Variants in PFKFB2 observed in about 807,000 individuals in gnomAD.
The protein encoded by PFKFB2 is 6-phosphofructo-2-kinase/fructose-2,6-bisphosphatase 2.
PFKFB2 carries 53 observed loss-of-function variants against 68.0 expected under a neutral mutation model. The observed-to-expected ratio is 0.78, with a 90% CI of 0.63 to 0.98. The LOEUF (loss-of-function observed/expected upper bound fraction) is 0.98, where lower values mean the gene tolerates loss of function less well. PFKFB2 is among the 50% of genes least tolerant of loss of function. The pLI is 0.00. For synonymous variants in PFKFB2, 222 were observed against 227.6 expected, an observed-to-expected ratio of 0.98 and a Z score of 0.22; for missense variants, 451 against 642.0, an observed-to-expected ratio of 0.70 and a Z score of 3.22.
At position 207,070,479 on chromosome 1, in the gene PFKFB2, T is replaced by G; in HGVS notation, c.1222+70T>G. ...GCTGGACTTGCAGTGGCACCAGGAT[T>G]CCTGGGAAACAGACCTCCCTGTCTC... On this transcript the variant is annotated intron_variant, in intron 12 of 14. Coordinates refer to ENST00000367080, the MANE Select transcript of PFKFB2 (RefSeq NM_006212.2). This position sits in a 1 kb window ranked among gnomAD's most constrained non-coding sequence, Gnocchi z 4.2. The G allele has an allele frequency of 6.4e-7, 1 of 1,554,506 alleles. No individual in the cohort carries two copies. The highest frequency in any genetic ancestry group is 8.8e-7 in the Non-Finnish European group (1 of 1,139,616).
In PFKFB2 at chr1:207,075,631, C is replaced by T; in HGVS notation, c.*3260C>T. The T allele has an allele frequency of 1.0e-6, 1 of 985,010 alleles. No homozygotes were observed. Among genetic ancestry groups the T allele is most frequent in the Non-Finnish European group, 1.2e-6 (1 of 829,562 alleles). 61.0% of individuals were successfully genotyped at this position (985,010 alleles called of 1,614,324 possible). A position where few individuals can be genotyped will look rare whatever the true frequency, so the allele number is the denominator to read the frequency against. On this transcript the variant is annotated 3_prime_UTR_variant, in exon 15 of 15. Coordinates refer to ENST00000367080, the MANE Select transcript of PFKFB2 (RefSeq NM_006212.2). ...ATAGGTAAAGACATTAGCATTTAAT[C>T]TACTGGAATAAGCTGGTTGCTGTGG...
chr1:207,069,006 A>G (rs1446522992), intron 10 of PFKFB2, among the ~76,000 whole-genome samples: 1 of 152,112 alleles, frequency 6.6e-6, no homozygotes, highest in Non-Finnish European at 1.5e-5. Flanking sequence ...TGGCCACCCA[A>G]AGTGTTGGGA....
At chr1:207,078,194 T>C (rs1265523722), downstream of PFKFB2, among the ~76,000 whole-genome samples, 1 of 152,246 alleles carries the variant, frequency 6.6e-6, no homozygotes, top group Non-Finnish European at 1.5e-5. Context: ...GTTCCTAAAA[T>C]GTGATTTGCC....
At chr1:207,057,077 C>T (rs1160525043) in intron 2 of PFKFB2, among the ~76,000 whole-genome samples, 3 of 151,990 alleles carry the variant, frequency 2.0e-5, no homozygotes, top group African/African-American at 7.3e-5. Context: ...TCAACTGCTC[C>T]AGGGATGGGG....
intron 2 of PFKFB2, among the ~76,000 whole-genome samples, chr1:207,061,110 TA>T (rs1252436202): frequency 5.4e-4 from 18 of 33,552 alleles, no homozygotes; most frequent in African/African-American, 2.3e-3. Flanking sequence ...TATATATATC[TA>T]TATATCTTTA....
intron 1 of PFKFB2, among the ~76,000 whole-genome samples, chr1:207,038,528 T>C (rs954308792): frequency 3.3e-5 from 5 of 152,240 alleles, no homozygotes; most frequent in Non-Finnish European, 7.3e-5. Context: ...TTGCAAATGC[T>C]GTACCCTCTA....
chr1:207,069,537 C>G lies in PFKFB2; in HGVS notation c.1092+9C>G, dbSNP rs370286212. 37 of 1,557,184 alleles carry G rather than the reference C, an allele frequency of 2.4e-5. No homozygotes were observed. In the African/African-American group the frequency reaches 4.3e-4, roughly 18 times the overall value. ...GATATCCTGGTGGGGAGGTAAGACGCCCCTGTCATGTAAAGTGACTGCCTA... is the reference window on the plus strand; with the variant it reads ...GATATCCTGGTGGGGAGGTAAGACGGCCCTGTCATGTAAAGTGACTGCCTA... On this transcript the variant is annotated intron_variant, in intron 11 of 14. Transcript: ENST00000367080.
chr1:207,048,808 G>A (rs139136253), upstream of PFKFB2: 23 of 554,252 alleles, frequency 4.1e-5, no homozygotes, highest in East Asian at 4.3e-4. Context: ...AAAGAGGCAT[G>A]TATGTACAGT....
intron 9 of PFKFB2, among the ~76,000 whole-genome samples, chr1:207,067,950 A>T (rs563192703): frequency 6.6e-6 from 1 of 152,176 alleles, no homozygotes; most frequent in Non-Finnish European, 1.5e-5. Context: ...CAACTTGTGT[A>T]CTTAGCAATG....
intron 2 of PFKFB2, among the ~76,000 whole-genome samples, chr1:207,042,943 A>G (rs1682508316): frequency 1.3e-5 from 2 of 152,204 alleles, no homozygotes; most frequent in South Asian, 4.1e-4. Flanking sequence ...TAAAACTGGT[A>G]TAAGCCATAA....
In PFKFB2 at chr1:207,063,966, A is replaced by T; in HGVS notation, c.507+137A>T. The T allele has an allele frequency of 1.4e-6, 1 of 721,192 alleles. No individual in the cohort carries two copies. Among genetic ancestry groups the T allele is most frequent in the Non-Finnish European group, 2.5e-6 (1 of 399,706 alleles). The allele number at this position is 721,192 out of a possible 1,614,324, so 44.7% of individuals were successfully genotyped here. A position where few individuals can be genotyped will look rare whatever the true frequency, so the allele number is the denominator to read the frequency against. On this transcript the variant is annotated intron_variant, in intron 7 of 14. Coordinates refer to ENST00000367080, the MANE Select transcript of PFKFB2 (RefSeq NM_006212.2). The surrounding 1 kb of genome is among the most constrained non-coding windows in gnomAD (Gnocchi z 4.1). The stretch of plus-strand genomic sequence containing the variant: ...TGAAAGAGAGAAATAGACATGTTTA[A>T]CATCACAAAGAGATCTTTTCTATCT...
chr1:207,053,143 C>G (rs2102333032), upstream of PFKFB2: 1 of 152,472 alleles, frequency 6.6e-6, no homozygotes, highest in Non-Finnish European at 1.5e-5. Context: ...GCCAGTTAGG[C>G]GATTGCGACC....
Position 207,072,207 on chromosome 1 carries a change from A to G in PFKFB2, c.1354A>G (p.Asn452Asp). 1.2e-6 allele frequency: 2 copies of G among 1,613,548 alleles called. No homozygotes were observed. The highest frequency in any genetic ancestry group is 1.7e-6 in the Non-Finnish European group (2 of 1,179,750). Residue 452 changes from asparagine to aspartate, a missense_variant, in exon 15 of 15, where the codon AAC becomes GAC. Asn to Asp is a conservative substitution (Grantham distance 23, BLOSUM62 1). Coordinates refer to ENST00000367080, the MANE Select transcript of PFKFB2 (RefSeq NM_006212.2). ...VNTHRDKPTN[N>D]FPKNQTPVRM... ...GTGTCACTCCATTTCCAATCAGAAC[A>G]ACTTCCCCAAGAACCAAACCCCTGT... is the stretch of plus-strand genomic sequence containing the variant.
chr1:207,063,872 G>T lies in PFKFB2; in HGVS notation c.507+43G>T. 1 of 1,446,342 alleles carries T rather than the reference G, an allele frequency of 6.9e-7. No homozygotes were observed. The highest frequency in any genetic ancestry group is 9.7e-7 in the Non-Finnish European group (1 of 1,030,340). 89.6% of individuals were successfully genotyped at this position (1,446,342 alleles called of 1,614,324 possible). A position where few individuals can be genotyped will look rare whatever the true frequency, so the allele number is the denominator to read the frequency against. On this transcript the variant is annotated intron_variant, in intron 7 of 14. Transcript: ENST00000367080. The surrounding 1 kb of genome is among the most constrained non-coding windows in gnomAD (Gnocchi z 4.1). Reference sequence around the variant, plus strand: ...ATATCATCTCCTCTTCACCTTTTGTGCTGTGTGTGTTGTGGGGTGTGTGTG... The same window carrying T: ...ATATCATCTCCTCTTCACCTTTTGTTCTGTGTGTGTTGTGGGGTGTGTGTG...
In PFKFB2 at chr1:207,077,028, C is replaced by A; in HGVS notation, c.*4657C>A. ...TTTCTTATATAGTAGTGGCCAAATT[C>A]TCATTATTTTGTACAAGATAAAGGT... On this transcript the variant is annotated 3_prime_UTR_variant, in exon 15 of 15. Coordinates refer to ENST00000367080, the MANE Select transcript of PFKFB2 (RefSeq NM_006212.2). 2.0e-6 allele frequency: 2 copies of A among 983,810 alleles called. No individual in the cohort carries two copies. The highest frequency in any genetic ancestry group is 2.4e-6 in the Non-Finnish European group (2 of 828,508). The allele number at this position is 983,810 out of a possible 1,614,324, so 60.9% of individuals were successfully genotyped here. A position where few individuals can be genotyped will look rare whatever the true frequency, so the allele number is the denominator to read the frequency against.
chr1:207,059,876 G>A (rs977933423), intron 2 of PFKFB2, among the ~76,000 whole-genome samples: 13 of 152,190 alleles, frequency 8.5e-5, no homozygotes, highest in African/African-American at 3.1e-4. Flanking sequence ...TTACAGAACT[G>A]TTTCTTAATC....
upstream of PFKFB2, chr1:207,050,970 C>G (rs1454496374): frequency 6.5e-7 from 1 of 1,546,304 alleles, no homozygotes; most frequent in Non-Finnish European, 8.8e-7. Flanking sequence ...TGGGAGACGC[C>G]GCCGGGGAAA....
At chr1:207,035,978 G>C (rs1229867091) in intron 1 of PFKFB2, among the ~76,000 whole-genome samples, 1 of 152,222 alleles carries the variant, frequency 6.6e-6, no homozygotes, top group Non-Finnish European at 1.5e-5. Context: ...TAGTCTGTTT[G>C]CATTGGTGTA....
chr1:207,070,466 G>C lies in PFKFB2; in HGVS notation c.1222+57G>C. ...CCAGTGGGAGAGGGCTGGACTTGCA[G>C]TGGCACCAGGATTCCTGGGAAACAG... On this transcript the variant is annotated intron_variant, in intron 12 of 14. Coordinates refer to ENST00000367080, the MANE Select transcript of PFKFB2 (RefSeq NM_006212.2). The surrounding 1 kb of genome is among the most constrained non-coding windows in gnomAD (Gnocchi z 4.2). 1 of 1,579,368 alleles carries C rather than the reference G, an allele frequency of 6.3e-7. No homozygotes were observed. Among genetic ancestry groups the C allele is most frequent in the South Asian group, 1.1e-5 (1 of 88,132 alleles).
Sources: allele counts gnomAD v4.1 joint callset (sites outside exome capture counted in the v4.1 genomes callset), GRCh38; gene constraint gnomAD v4.1.1; non-coding constraint Gnocchi (gnomAD v3.1); transcripts MANE v1.5; gene names NCBI Gene and HGNC (gene_info 2026-07-23, HGNC 2026-07-21).